Variants in LEKR1 observed in about 807,000 individuals in gnomAD.
LEKR1 encodes protein LEKR1.
In LEKR1, 59 loss-of-function variants were observed where a neutral mutation model predicts 72.4. The observed-to-expected ratio is 0.82, with a 90% CI of 0.66 to 1.01. LEKR1 has a LOEUF of 1.01. Ranked by LOEUF, LEKR1 falls within the 50% of genes least tolerant of loss-of-function variation. The pLI is 0.00. For missense variants in LEKR1, 728 were observed against 759.2 expected (o/e 0.96, Z 0.48); for synonymous variants, 257 against 263.2 (o/e 0.98, Z 0.23).
At chr3:156,841,728 T>C (rs1313906961) in intron 2 of LEKR1, among the ~76,000 whole-genome samples, 2 of 152,252 alleles carry the variant, frequency 1.3e-5, no homozygotes, top group Non-Finnish European at 2.9e-5. Context: ...TCTTTTAGAA[T>C]AAATGTGTTA....
chr3:156,885,745 T>G (rs1719989662), intron 3 of LEKR1, among the ~76,000 whole-genome samples: 1 of 152,244 alleles, frequency 6.6e-6, no homozygotes, highest in African/African-American at 2.4e-5. Context: ...TAAATGCTGG[T>G]TATGCTAGCA....
chr3:156,922,536 G>T (rs1724307727), intron 4 of LEKR1, among the ~76,000 whole-genome samples: 1 of 151,986 alleles, frequency 6.6e-6, no homozygotes, highest in African/African-American at 2.4e-5. Context: ...GGGGTCCATT[G>T]CTGTTTTTAA....
At chr3:156,985,008 G>T (rs1730553661) in intron 7 of LEKR1, among the ~76,000 whole-genome samples, 1 of 151,618 alleles carries the variant, frequency 6.6e-6, no homozygotes, top group African/African-American at 2.4e-5. Flanking sequence ...TTTCTTCCTG[G>T]CAAGCAGAAG....
intron 9 of LEKR1, among the ~76,000 whole-genome samples, chr3:157,010,590 AGAAT>A (rs973971930): frequency 1.2e-4 from 19 of 152,074 alleles, no homozygotes; most frequent in Admixed American, 1.2e-3. Context: ...AAGGATTAGA[AGAAT>A]GAATGAGCAA....
intron 6 of LEKR1, among the ~76,000 whole-genome samples, chr3:156,974,983 A>G (rs908019148): frequency 6.6e-6 from 1 of 152,166 alleles, no homozygotes; most frequent in Non-Finnish European, 1.5e-5. Context: ...AGTAGCCTTC[A>G]TGCCACCACC....
chr3:156,975,977 A>G (rs914840391), intron 6 of LEKR1, among the ~76,000 whole-genome samples: 1 of 152,200 alleles, frequency 6.6e-6, no homozygotes, highest in Admixed American at 6.5e-5. Flanking sequence ...GAACAATAAT[A>G]CACTTATTTA....
At chr3:156,835,105 A>G (rs151028810) in intron 2 of LEKR1, among the ~76,000 whole-genome samples, 1 of 152,196 alleles carries the variant, frequency 6.6e-6, no homozygotes, top group Non-Finnish European at 1.5e-5. Flanking sequence ...ATTTTAGACT[A>G]TCAGTTTCTT....
At chr3:157,016,214 C>T (rs1441248058) in intron 10 of LEKR1, among the ~76,000 whole-genome samples, 2 of 151,998 alleles carry the variant, frequency 1.3e-5, no homozygotes, top group South Asian at 2.1e-4. Flanking sequence ...GAAAACTAAA[C>T]ACCCACAGTT....
At chr3:156,938,475 C>T (rs897979228) in intron 5 of LEKR1, among the ~76,000 whole-genome samples, 5 of 152,156 alleles carry the variant, frequency 3.3e-5, no homozygotes, top group South Asian at 2.1e-4. Context: ...CTCCCAGATT[C>T]GAGCTATTCT....
At chr3:156,964,260 G>C (rs4234316) in intron 6 of LEKR1, among the ~76,000 whole-genome samples, 132,087 of 152,060 alleles carry the variant, frequency 0.87, 57,677 homozygotes, top group African/African-American at 0.96. Flanking sequence ...TTTATTATCC[G>C]TACCCTTCCC....
chr3:156,855,245 T>C (rs1221531189), intron 3 of LEKR1, among the ~76,000 whole-genome samples: 1 of 152,192 alleles, frequency 6.6e-6, no homozygotes, highest in Non-Finnish European at 1.5e-5. Flanking sequence ...CTTGAGAAAT[T>C]AGCATTAACT....
At chr3:157,026,165 T>G (rs1350501471) in intron 11 of LEKR1, among the ~76,000 whole-genome samples, 1 of 152,134 alleles carries the variant, frequency 6.6e-6, no homozygotes, top group East Asian at 1.9e-4. Context: ...TCCCCCAAGG[T>G]TCTGCCTCCC....
chr3:156,974,989 C>T (rs1216074760), intron 6 of LEKR1, among the ~76,000 whole-genome samples: 1 of 152,132 alleles, frequency 6.6e-6, no homozygotes, highest in Non-Finnish European at 1.5e-5. Context: ...CTTCATGCCA[C>T]CACCAATGAT....
intron 9 of LEKR1, among the ~76,000 whole-genome samples, chr3:157,006,949 C>T (rs1429271450): frequency 1.2e-4 from 18 of 152,138 alleles, no homozygotes; most frequent in Admixed American, 1.2e-3. Flanking sequence ...CGCCTGTAAT[C>T]CCAGCACTTT....
intron 10 of LEKR1, among the ~76,000 whole-genome samples, chr3:157,016,680 T>C (rs917137877): frequency 6.6e-6 from 1 of 152,156 alleles, no homozygotes; most frequent in Non-Finnish European, 1.5e-5. Flanking sequence ...TGGGTAAAGA[T>C]ATGGGGTGTT....
intron 5 of LEKR1, among the ~76,000 whole-genome samples, chr3:156,938,273 A>C (rs1378941173): frequency 1.3e-5 from 2 of 151,950 alleles, no homozygotes; most frequent in Admixed American, 1.3e-4. Flanking sequence ...ACAAGGGGAG[A>C]AGTGAGGTGG....
rs368489436 is a variant in LEKR1 at position 157,029,465 on chromosome 3, G to A, written c.1668+1063G>A. 1.7e-4 allele frequency among the ~76,000 whole-genome samples: 26 copies of A among 152,168 alleles called. No individual in the cohort carries two copies. In the South Asian group the frequency reaches 3.9e-3, roughly 23 times the overall value. ...TTTGGTGGAGCCAAGATTCAAATTCGAATCTCTATGATATGATGTTTCCTC... is the reference window on the plus strand; with the variant it reads ...TTTGGTGGAGCCAAGATTCAAATTCAAATCTCTATGATATGATGTTTCCTC... On this transcript the variant is annotated intron_variant, in intron 12 of 12. Transcript: ENST00000356539.
rs145468629 is a variant in LEKR1 at position 157,028,663 on chromosome 3, T to C, written c.1668+261T>C. Among the ~76,000 whole-genome samples, 345 of 152,342 alleles carry C rather than the reference T, an allele frequency of 2.3e-3. 1 individual carries two copies. The highest frequency in any genetic ancestry group is 4.6e-3 in the Admixed American group (71 of 15,300). On this transcript the variant is annotated intron_variant, in intron 12 of 12. Coordinates refer to ENST00000356539, the MANE Select transcript of LEKR1 (RefSeq NM_001004316.3). Reference sequence around the variant, plus strand: ...AAAGTTTCCTTAGCACCTAGTTCTTTCTTGCAAATAACTATTTTAAGCCTC... The same window carrying C: ...AAAGTTTCCTTAGCACCTAGTTCTTCCTTGCAAATAACTATTTTAAGCCTC...
intron 3 of LEKR1, among the ~76,000 whole-genome samples, chr3:156,863,946 A>T (rs1717042459): frequency 6.6e-6 from 1 of 152,054 alleles, no homozygotes; most frequent in South Asian, 2.1e-4. Flanking sequence ...GAGTTGACAG[A>T]ACTGTTAGGG....
Sources: gnomAD v4.1 joint callset for allele counts (sites outside exome capture counted in the v4.1 genomes callset) on GRCh38, gnomAD v4.1.1 for gene constraint, MANE v1.5 for transcripts, NCBI Gene and HGNC (gene_info 2026-07-23, HGNC 2026-07-21) for gene names.